Variants in FBXL13 observed in about 807,000 individuals in gnomAD.
FBXL13 encodes the protein F-box and leucine rich repeat protein 13.
Under a neutral mutation model 83.6 loss-of-function variants are expected in FBXL13, and 67 were observed. The ratio of observed to expected loss-of-function variants is 0.80; its 90% CI spans 0.66 to 0.98. The LOEUF (loss-of-function observed/expected upper bound fraction) is 0.98, where lower values mean the gene tolerates loss of function less well. Among genes scored for constraint, FBXL13 ranks in the 50% least tolerant of loss-of-function variants. FBXL13 has a pLI of 0.00. For missense variants in FBXL13, 822 were observed against 866.5 expected (o/e 0.95, Z 0.64); for synonymous variants, 272 against 299.5 (o/e 0.91, Z 0.95).
intron 6 of FBXL13, among the ~76,000 whole-genome samples, chr7:102,976,902 C>T (rs1827550561): frequency 6.6e-6 from 1 of 152,180 alleles, no homozygotes; most frequent in South Asian, 2.1e-4. Context: ...GCTCCTAACC[C>T]ATATACTTTA....
At chr7:102,986,942 T>C (rs201337841) in intron 6 of FBXL13, among the ~76,000 whole-genome samples, 17 of 99,056 alleles carry the variant, frequency 1.7e-4, no homozygotes, top group African/African-American at 3.5e-4. Flanking sequence ...CACACACACA[T>C]ATACACATAC....
At chr7:103,066,468 T>C (rs1798399964) in intron 1 of FBXL13, among the ~76,000 whole-genome samples, 1 of 151,872 alleles carries the variant, frequency 6.6e-6, no homozygotes, top group African/African-American at 2.4e-5. Flanking sequence ...CTCGGCTCAC[T>C]GCAAGCTCTG....
chr7:102,942,390 A>G (rs1419792243), intron 8 of FBXL13: 3 of 1,449,710 alleles, frequency 2.1e-6, no homozygotes, highest in Non-Finnish European at 9.4e-7. Flanking sequence ...AAAGACGTGA[A>G]TAACAATCAT....
At chr7:103,027,730 A>G (rs7806136) in intron 4 of FBXL13, among the ~76,000 whole-genome samples, 172 bp from the exon 6 acceptor site, 149,690 of 152,306 alleles carry the variant, frequency 0.98, 73,626 homozygotes, top group East Asian at 1. Context: ...TAGTACTCTC[A>G]AGACTTTACG....
At chr7:102,882,321 C>T in intron 14 of FBXL13, among the ~76,000 whole-genome samples, 1 of 152,106 alleles carries the variant, frequency 6.6e-6, no homozygotes, top group East Asian at 1.9e-4. Flanking sequence ...TTGTGCTTTC[C>T]CAAATATTAG....
chr7:102,855,352 A>C (rs1221724029), intron 16 of FBXL13, among the ~76,000 whole-genome samples: 2 of 152,182 alleles, frequency 1.3e-5, no homozygotes, highest in African/African-American at 4.8e-5. Flanking sequence ...GAGACAGATA[A>C]TCATTCAGTC....
intron 10 of FBXL13, among the ~76,000 whole-genome samples, chr7:102,918,431 C>T (rs1426354060): frequency 6.6e-6 from 1 of 152,040 alleles, no homozygotes; most frequent in Non-Finnish European, 1.5e-5. Context: ...TGTCATATTA[C>T]CTTCAATTTC....
intron 6 of FBXL13, among the ~76,000 whole-genome samples, chr7:102,969,792 T>C (rs1244130968): frequency 2.5e-5 from 3 of 118,162 alleles, no homozygotes; most frequent in Admixed American, 1.3e-4. Context: ...AGCAAGACTC[T>C]GTCCAAAAAG....
intron 11 of FBXL13, among the ~76,000 whole-genome samples, chr7:102,896,887 A>G (rs1812314497): frequency 6.6e-6 from 1 of 152,162 alleles, no homozygotes; most frequent in African/African-American, 2.4e-5. Context: ...TCATTCCATC[A>G]ATGAACAATG....
intron 2 of FBXL13, among the ~76,000 whole-genome samples, chr7:103,040,053 A>G (rs1228296995): frequency 2.0e-5 from 3 of 151,900 alleles, no homozygotes; most frequent in Non-Finnish European, 4.4e-5. Context: ...GTCAAGACCC[A>G]TCAGTGTGTT....
intron 10 of FBXL13, among the ~76,000 whole-genome samples, chr7:102,924,814 CTA>C (rs912236851): frequency 2.6e-5 from 4 of 151,662 alleles, no homozygotes; most frequent in African/African-American, 9.7e-5. Context: ...CTAATTTTTT[CTA>C]TTTTTTAGTA....
chr7:102,837,189 C>A (rs1000628661), intron 17 of FBXL13, among the ~76,000 whole-genome samples: 5 of 152,208 alleles, frequency 3.3e-5, no homozygotes, highest in African/African-American at 1.2e-4. Flanking sequence ...GGCATCAGAG[C>A]AAGTGGGACT....
chr7:103,055,848 G>C (rs1376675820), intron 1 of FBXL13, 101 bp from the exon 2 acceptor site: 1 of 496,496 alleles, frequency 2.0e-6, no homozygotes, highest in Non-Finnish European at 3.4e-6. Context: ...GGGTTTTTTT[G>C]GTTTTTAATT....
intron 18 of FBXL13, among the ~76,000 whole-genome samples, chr7:102,825,712 A>G (rs1199933536): frequency 1.3e-5 from 2 of 152,234 alleles, no homozygotes; most frequent in Non-Finnish European, 2.9e-5. Flanking sequence ...GGGCATTACC[A>G]TAAAAAAATG....
intron 14 of FBXL13, among the ~76,000 whole-genome samples, chr7:102,880,655 T>C (rs1316441173): frequency 6.6e-6 from 1 of 152,240 alleles, no homozygotes. Flanking sequence ...ATCTTGCTGT[T>C]TCTGTGACTC....
chr7:102,900,043 T>C (rs571040005), intron 11 of FBXL13, among the ~76,000 whole-genome samples: 4 of 152,238 alleles, frequency 2.6e-5, no homozygotes, highest in Non-Finnish European at 2.9e-5. Context: ...TGAGACTCCA[T>C]CTCAAAAAAA....
chr7:102,931,805 C>G, intron 9 of FBXL13, 76 bp downstream of exon 10: 1 of 1,355,100 alleles, frequency 7.4e-7, no homozygotes, highest in Non-Finnish European at 1.0e-6. Flanking sequence ...ACACAAGCAT[C>G]TATTCTGCAT....
intron 18 of FBXL13, among the ~76,000 whole-genome samples, chr7:102,829,943 C>A (rs766729282): frequency 1.3e-5 from 2 of 152,166 alleles, no homozygotes; most frequent in Non-Finnish European, 2.9e-5. Context: ...GTCCCCACAT[C>A]TTCTCAATCA....
intron 19 of FBXL13, 58 bp from the exon 21 acceptor site, chr7:102,813,589 T>G (rs1330607878): frequency 1.3e-6 from 2 of 1,558,584 alleles, no homozygotes; most frequent in Admixed American, 3.8e-5. Flanking sequence ...GTGCAAAATT[T>G]TCAAACTCAA....
Sources: allele counts gnomAD v4.1 joint callset (sites outside exome capture counted in the v4.1 genomes callset), GRCh38; gene constraint gnomAD v4.1.1; transcripts MANE v1.5; gene names NCBI Gene and HGNC (gene_info 2026-07-23, HGNC 2026-07-21).